Variants in KCNT2 observed in about 807,000 individuals in gnomAD.
The protein encoded by KCNT2 is potassium sodium-activated channel subfamily T member 2, also known as potassium channel subfamily T member 2.
In KCNT2, 67 loss-of-function variants were observed where a neutral mutation model predicts 153.8. That is an observed-to-expected ratio of 0.44 (90% CI 0.36 to 0.53). The LOEUF is 0.53. Among genes scored for constraint, KCNT2 ranks in the 20% least tolerant of loss-of-function variants. The pLI is 0.00. For synonymous variants in KCNT2, 500 were observed against 458.8 expected (o/e 1.09, Z -1.15); for missense variants, 975 against 1,354.8 (o/e 0.72, Z 4.40).
intron 1 of KCNT2, among the ~76,000 whole-genome samples, chr1:196,497,097 TA>T (rs1236017406): frequency 6.6e-6 from 1 of 152,248 alleles, no homozygotes; most frequent in Non-Finnish European, 1.5e-5. Context: ...CCCTTTCTTA[TA>T]AGAGGATGCC....
chr1:196,471,038 G>C (rs10801539), intron 5 of KCNT2, among the ~76,000 whole-genome samples: 45,419 of 150,766 alleles, frequency 0.3, 6,895 homozygotes, highest in Admixed American at 0.38. Flanking sequence ...CCACCACCAC[G>C]CCCGGCTAAT....
chr1:196,429,314 T>A (rs1269328833), intron 9 of KCNT2, among the ~76,000 whole-genome samples: 1 of 151,760 alleles, frequency 6.6e-6, no homozygotes, highest in African/African-American at 2.4e-5. Context: ...TTAAGTACCC[T>A]ATACTAAAAA....
chr1:196,300,457 G>A (rs925545490), intron 22 of KCNT2, among the ~76,000 whole-genome samples: 5 of 152,070 alleles, frequency 3.3e-5, no homozygotes, highest in African/African-American at 1.2e-4. Context: ...CCTGAAGCAG[G>A]CCATAAAATT....
intron 25 of KCNT2, among the ~76,000 whole-genome samples, chr1:196,270,990 C>T (rs912760): frequency 0.69 from 104,453 of 151,736 alleles, 40,278 homozygotes; most frequent in East Asian, 0.95. Context: ...AATGTGAGTA[C>T]AGCACCTCCC....
At chr1:196,274,998 T>C (rs1467215287) in intron 25 of KCNT2, among the ~76,000 whole-genome samples, 2 of 151,892 alleles carry the variant, frequency 1.3e-5, no homozygotes, top group Admixed American at 6.6e-5. Flanking sequence ...TAGGTAGCCT[T>C]CATTTTCAAA....
intron 25 of KCNT2, among the ~76,000 whole-genome samples, chr1:196,271,219 CT>C (rs1478079643): frequency 6.6e-6 from 1 of 151,968 alleles, no homozygotes; most frequent in Non-Finnish European, 1.5e-5. Context: ...TGTAAATAGT[CT>C]ATCTAAAATA....
At chr1:196,533,648 G>A (rs988117118) in intron 1 of KCNT2, among the ~76,000 whole-genome samples, 1 of 151,984 alleles carries the variant, frequency 6.6e-6, no homozygotes, top group African/African-American at 2.4e-5. Flanking sequence ...AATCCATGTG[G>A]AAAAATAATC....
intron 27 of KCNT2, among the ~76,000 whole-genome samples, chr1:196,229,300 G>C (rs906763835): frequency 2.1e-4 from 32 of 152,056 alleles, no homozygotes; most frequent in African/African-American, 5.1e-4. Flanking sequence ...CTGTTATAGT[G>C]ATCTGTGATC....
At chr1:196,244,919 G>A (rs971630983) in intron 26 of KCNT2, among the ~76,000 whole-genome samples, 2 of 152,150 alleles carry the variant, frequency 1.3e-5, no homozygotes, top group African/African-American at 4.8e-5. Flanking sequence ...GTTGGCTTCA[G>A]GTCTGACCCA....
intron 8 of KCNT2, among the ~76,000 whole-genome samples, chr1:196,441,919 T>C (rs1675269429): frequency 6.6e-6 from 1 of 151,712 alleles, no homozygotes; most frequent in South Asian, 2.1e-4. Context: ...CTGTGAATTG[T>C]GAAGGAAGTA....
intron 14 of KCNT2, among the ~76,000 whole-genome samples, chr1:196,344,058 G>A (rs780063616): frequency 6.6e-6 from 1 of 152,194 alleles, no homozygotes; most frequent in Non-Finnish European, 1.5e-5. Flanking sequence ...GGGATTATAG[G>A]TGTGAGCCAC....
intron 1 of KCNT2, among the ~76,000 whole-genome samples, chr1:196,558,528 A>T (rs1165369712): frequency 6.6e-6 from 1 of 151,396 alleles, no homozygotes; most frequent in Non-Finnish European, 1.5e-5. Context: ...CAACAAGGCA[A>T]TTATTATGTA....
At chr1:196,362,214 C>T (rs979995943) in intron 14 of KCNT2, among the ~76,000 whole-genome samples, 4 of 151,980 alleles carry the variant, frequency 2.6e-5, no homozygotes, top group African/African-American at 9.7e-5. Flanking sequence ...CCGCTGATTC[C>T]CTGGGGCTTC....
rs539289164 is a variant in KCNT2 at position 196,372,104 on chromosome 1, A to G, written c.1403+1036T>C. On this transcript the variant is annotated intron_variant, in intron 14 of 27. Coordinates refer to ENST00000294725, the MANE Select transcript of KCNT2 (RefSeq NM_198503.5). ...ACATCCTTCCTATTGCACAGATTAA[A>G]GGCTTGTAAGTATATAGAATAGAAA... 1.9e-4 allele frequency among the ~76,000 whole-genome samples: 29 copies of G among 152,168 alleles called. No homozygotes were observed. The South Asian group carries it at 5.4e-3, about 28-fold the overall frequency.
intron 13 of KCNT2, among the ~76,000 whole-genome samples, chr1:196,397,025 T>C (rs1670995413): frequency 6.6e-6 from 1 of 151,540 alleles, no homozygotes; most frequent in Non-Finnish European, 1.5e-5. Flanking sequence ...ATAGAACACT[T>C]AATATGTTTC....
chr1:196,569,304 A>G (rs1660489481), intron 1 of KCNT2, among the ~76,000 whole-genome samples: 3 of 152,292 alleles, frequency 2.0e-5, no homozygotes, highest in Admixed American at 6.5e-5. Context: ...TTTACTTTGA[A>G]TAAAATATTT....
Position 196,429,718 on chromosome 1 carries a change from C to T in KCNT2, c.678G>A (p.Lys226=). Residue 226 remains lysine (K), a synonymous_variant, in exon 9 of 28, where the codon AAG becomes AAA. Transcript: ENST00000294725. ...GIQHLERIGK[K]LNLFDSLYFC... ...AATAAAGGGAGTCAAAGAGATTCAG[C>T]TTCTTTCCTATTCGTTCCAGATGTT... 2 of 1,610,728 alleles carry T rather than the reference C, an allele frequency of 1.2e-6. No homozygotes were observed. The highest frequency in any genetic ancestry group is 1.7e-6 in the Non-Finnish European group (2 of 1,178,616).
At chr1:196,312,699 G>C (rs941151994) in intron 21 of KCNT2, among the ~76,000 whole-genome samples, 1 of 151,646 alleles carries the variant, frequency 6.6e-6, no homozygotes, top group African/African-American at 2.4e-5. Flanking sequence ...ACTAATCAAC[G>C]AATTAGAAAT....
chr1:196,228,448 C>T, intron 27 of KCNT2, 113 bp from the exon 28 acceptor site: 2 of 645,528 alleles, frequency 3.1e-6, no homozygotes, highest in Non-Finnish European at 5.3e-6. Flanking sequence ...ATTATCTAAA[C>T]TGTCTGTATA....
Sources: allele counts gnomAD v4.1 joint callset (sites outside exome capture counted in the v4.1 genomes callset), GRCh38; gene constraint gnomAD v4.1.1; transcripts MANE v1.5; gene names NCBI Gene and HGNC (gene_info 2026-07-23, HGNC 2026-07-21).